The following CFAP299 variants were observed in gnomAD, a reference collection of about 807,000 sequenced individuals.
The protein encoded by CFAP299 is cilia- and flagella-associated protein 299.
In CFAP299, 21 loss-of-function variants were observed where a neutral mutation model predicts 27.0. The observed-to-expected ratio is 0.78, with a 90% CI of 0.55 to 1.12. CFAP299 has a LOEUF of 1.12. Among genes scored for constraint, CFAP299 ranks in the 50% most tolerant of loss-of-function variants. The probability of loss-of-function intolerance (pLI) is 0.00; values close to 1 mark genes in which losing one functional copy is unlikely to be tolerated. For missense variants in CFAP299, 310 were observed against 276.6 expected (o/e 1.12, Z -0.86); for synonymous variants, 104 against 98.1 (o/e 1.06, Z -0.36).
At chr4:80,696,553 ACT>A (rs1721106944) in intron 3 of CFAP299, among the ~76,000 whole-genome samples, 1 of 152,106 alleles carries the variant, frequency 6.6e-6, no homozygotes, top group South Asian at 2.1e-4. Flanking sequence ...TAGTAAAAAT[ACT>A]CTTTTTACTT....
intron 3 of CFAP299, among the ~76,000 whole-genome samples, chr4:80,771,307 C>A (rs1726201638): frequency 6.6e-6 from 1 of 152,058 alleles, no homozygotes; most frequent in Non-Finnish European, 1.5e-5. Flanking sequence ...AGGCACAGAC[C>A]AAATTTATTT....
At chr4:80,388,207 C>T (rs1725126091) in intron 2 of CFAP299, 3 of 696,172 alleles carry the variant, frequency 4.3e-6, no homozygotes, top group South Asian at 1.5e-5. Context: ...GGTGGCTGGG[C>T]ACAGAATGCA....
chr4:80,896,583 G>T (rs1220389023), intron 4 of CFAP299, among the ~76,000 whole-genome samples: 1 of 152,014 alleles, frequency 6.6e-6, no homozygotes, highest in Non-Finnish European at 1.5e-5. Flanking sequence ...TCCACAAAAA[G>T]AAGATAAATG....
intron 2 of CFAP299, chr4:80,386,977 C>G (rs1578383710): frequency 3.0e-6 from 3 of 1,003,414 alleles, no homozygotes; most frequent in African/African-American, 3.2e-5. Flanking sequence ...CACACCTGGC[C>G]CTTGAACCTG....
the CFAP299 span, among the ~76,000 whole-genome samples, chr4:80,329,376 C>T: frequency 9.2e-5 from 14 of 152,062 alleles, no homozygotes; most frequent in African/African-American, 3.4e-4. Context: ...TGATAATATC[C>T]TTGAAGATTT....
chr4:80,350,202 T>C (rs1230489906), intron 1 of CFAP299, among the ~76,000 whole-genome samples: 1 of 152,098 alleles, frequency 6.6e-6, no homozygotes, highest in Non-Finnish European at 1.5e-5. Context: ...TTTTAAACGG[T>C]AATAGCTAAA....
At chr4:80,586,806 G>A (rs968226499) in intron 3 of CFAP299, among the ~76,000 whole-genome samples, 2 of 152,024 alleles carry the variant, frequency 1.3e-5, no homozygotes, top group African/African-American at 4.8e-5. Flanking sequence ...TGCTGTTCGG[G>A]GTGGGAAAAG....
chr4:80,583,063 A>G (rs1736251184), intron 2 of CFAP299, 30 bp from the exon 3 acceptor site: 3 of 1,429,206 alleles, frequency 2.1e-6, no homozygotes, highest in East Asian at 2.3e-5. Context: ...GTTATCTAAT[A>G]TATTATAACT....
chr4:80,784,417 T>G (rs970508071), intron 3 of CFAP299, among the ~76,000 whole-genome samples: 6 of 152,158 alleles, frequency 3.9e-5, no homozygotes, highest in Non-Finnish European at 8.8e-5. Context: ...CTCATAGTGG[T>G]TTTAATTTGC....
chr4:80,506,025 A>AT (rs201836362), intron 2 of CFAP299, among the ~76,000 whole-genome samples: 16,747 of 150,320 alleles, frequency 0.11, 1,029 homozygotes, highest in African/African-American at 0.15. Flanking sequence ...TATATATATA[A>AT]AAATAATAAC....
At chr4:80,939,064 T>C (rs963146592) in intron 4 of CFAP299, among the ~76,000 whole-genome samples, 1 of 152,198 alleles carries the variant, frequency 6.6e-6, no homozygotes, top group African/African-American at 2.4e-5. Flanking sequence ...GTTCCCTTTG[T>C]AGATGATTAA....
intron 3 of CFAP299, among the ~76,000 whole-genome samples, chr4:80,795,090 G>A (rs1314689368): frequency 6.6e-6 from 1 of 152,144 alleles, no homozygotes; most frequent in Non-Finnish European, 1.5e-5. Flanking sequence ...AACGGGGCAT[G>A]CTATTCACTA....
intron 3 of CFAP299, among the ~76,000 whole-genome samples, chr4:80,594,066 T>C (rs555554221): frequency 3.8e-4 from 58 of 152,340 alleles, no homozygotes; most frequent in African/African-American, 1.3e-3. Context: ...CTTTTCTTCC[T>C]TTCCTGTAAA....
intron 2 of CFAP299, among the ~76,000 whole-genome samples, chr4:80,484,587 G>A (rs1186253811): frequency 6.6e-6 from 1 of 151,956 alleles, no homozygotes; most frequent in Non-Finnish European, 1.5e-5. Context: ...TCATATATAA[G>A]CATTGATTTC....
chr4:80,591,131 T>TTTA (rs1560643083), intron 3 of CFAP299, among the ~76,000 whole-genome samples: 1 of 137,066 alleles, frequency 7.3e-6, no homozygotes, highest in South Asian at 2.4e-4. Context: ...TTTTTTTTTT[T>TTTA]ATTTTTTTTT....
chr4:80,618,872 AAAG>A (rs1738434098), intron 3 of CFAP299, among the ~76,000 whole-genome samples: 1 of 152,098 alleles, frequency 6.6e-6, no homozygotes, highest in African/African-American at 2.4e-5. Context: ...TGGGAGCTGA[AAAG>A]AAATGCTTTC....
intron 2 of CFAP299, among the ~76,000 whole-genome samples, chr4:80,432,362 A>G (rs1254136914): frequency 6.6e-6 from 1 of 151,986 alleles, no homozygotes; most frequent in Non-Finnish European, 1.5e-5. Context: ...CATGTTGATC[A>G]GGCTGGTCTC....
intron 3 of CFAP299, among the ~76,000 whole-genome samples, chr4:80,823,788 G>C (rs960176399): frequency 3.9e-5 from 6 of 151,906 alleles, no homozygotes; most frequent in African/African-American, 1.5e-4. Flanking sequence ...TCTAGATAAG[G>C]GTACTAAGGT....
chr4:80,590,762 A>G (rs1329550078), intron 3 of CFAP299, among the ~76,000 whole-genome samples: 1 of 152,224 alleles, frequency 6.6e-6, no homozygotes, highest in Non-Finnish European at 1.5e-5. Context: ...TTCTAATCAT[A>G]TAAAAACTGT....
Sources: allele counts gnomAD v4.1 joint callset (sites outside exome capture counted in the v4.1 genomes callset), GRCh38; gene constraint gnomAD v4.1.1; transcripts MANE v1.5; gene names NCBI Gene and HGNC (gene_info 2026-07-23, HGNC 2026-07-21).